Variants in CUX1 observed in about 807,000 individuals in gnomAD.
CUX1 encodes cut like homeobox 1, also known as protein CASP.
In CUX1, 31 loss-of-function variants were observed where a neutral mutation model predicts 158.8. The observed-to-expected ratio is 0.20, with a 90% CI of 0.15 to 0.26. The LOEUF (loss-of-function observed/expected upper bound fraction) is 0.26, where lower values mean the gene tolerates loss of function less well. CUX1 is among the 10% of genes least tolerant of loss of function. The probability of loss-of-function intolerance (pLI) is 1.00; values close to 1 mark genes in which losing one functional copy is unlikely to be tolerated. For synonymous variants in CUX1, 879 were observed against 862.1 expected, an observed-to-expected ratio of 1.02 and a Z score of -0.34; for missense variants, 1,589 against 2,014.6, an observed-to-expected ratio of 0.79 and a Z score of 4.04.
rs373730314 is a variant in CUX1 at position 102,202,012 on chromosome 7, A to C, written c.2715A>C (p.Thr905=). 24 of 1,613,864 alleles carry C rather than the reference A, an allele frequency of 1.5e-5. 1 individual carries two copies. The African/African-American group carries it at 1.9e-4, about 13-fold the overall frequency. ...TGACCGGGGCCAGCCGCAGCGAGAC[A>C]CCACAGAACAGCCCCCTGCCATCCT... The part of the protein sequence containing the change: ...LSLTGASRSE[T]PQNSPLPSSP... Residue 905 remains threonine, a synonymous_variant, in exon 18 of 24, where the codon ACA becomes ACC. Transcript: ENST00000292535.
rs1489907710 is a variant in CUX1, at chr7:102,250,703, C to T, written c.*1661C>T. ...GCACAGTTTTAGGGCAGTCTAAGTA[C>T]AAACTGAAAGTCTAACTTGTCTCTG... On this transcript the variant is annotated 3_prime_UTR_variant, in exon 24 of 24. Coordinates refer to ENST00000292535, the MANE Select transcript of CUX1 (RefSeq NM_181552.4). 1 of 985,278 alleles carries T rather than the reference C, an allele frequency of 1.0e-6. No individual in the cohort carries two copies. The highest frequency in any genetic ancestry group is 1.2e-6 in the Non-Finnish European group (1 of 829,938). 61.0% of individuals were successfully genotyped at this position (985,278 alleles called of 1,614,324 possible).
chr7:101,832,337 G>A (rs1387901343), intron 1 of CUX1, among the ~76,000 whole-genome samples: 1 of 152,176 alleles, frequency 6.6e-6, no homozygotes, highest in East Asian at 1.9e-4. Context: ...AACTGAGGTT[G>A]GGGAACAGCA....
chr7:102,232,594 C>T (rs574753443), intron 21 of CUX1, among the ~76,000 whole-genome samples: 1 of 152,318 alleles, frequency 6.6e-6, no homozygotes, highest in Non-Finnish European at 1.5e-5. Context: ...CCTGTTCATT[C>T]AAGTACTCCC....
chr7:102,101,286 G>T (rs1829747404), intron 5 of CUX1, among the ~76,000 whole-genome samples: 1 of 152,200 alleles, frequency 6.6e-6, no homozygotes. Context: ...ATGAGTAAAT[G>T]GAGGCCCCAG....
At chr7:102,110,444 C>T (rs1428710041) in intron 6 of CUX1, among the ~76,000 whole-genome samples, 3 of 152,148 alleles carry the variant, frequency 2.0e-5, no homozygotes, top group Non-Finnish European at 4.4e-5. Context: ...GTTTGTATTA[C>T]ACTATAGCTT....
rs114356203 is a variant in CUX1, at chr7:102,186,118, T to G, written c.1018-3695T>G. On this transcript the variant is annotated intron_variant, in intron 11 of 23. Coordinates refer to ENST00000292535, the MANE Select transcript of CUX1 (RefSeq NM_181552.4). Reference sequence around the variant, plus strand: ...CTTTCTGGGAACCCAACAAGGAGTTTCTGATCGAAGAACCGCACTGAGGAC... The same window carrying G: ...CTTTCTGGGAACCCAACAAGGAGTTGCTGATCGAAGAACCGCACTGAGGAC... Among the ~76,000 whole-genome samples the G allele has an allele frequency of 2.8e-3, 427 of 152,232 alleles. 3 individuals are homozygous for G. Among genetic ancestry groups the G allele is most frequent in the African/African-American group, 0.01 (416 of 41,544 alleles).
chr7:101,855,636 T>G (rs1443858166), intron 1 of CUX1, among the ~76,000 whole-genome samples: 5 of 152,088 alleles, frequency 3.3e-5, no homozygotes, highest in African/African-American at 1.2e-4. Flanking sequence ...TCCCAGCACT[T>G]TGGGAGGTCA....
At chr7:102,128,138 G>A (rs560618157) in intron 8 of CUX1, among the ~76,000 whole-genome samples, 5 of 152,282 alleles carry the variant, frequency 3.3e-5, no homozygotes, top group Admixed American at 6.5e-5. Context: ...ACGCCCAGCC[G>A]GCTGTGGCAT....
intron 1 of CUX1, among the ~76,000 whole-genome samples, chr7:101,845,209 C>T (rs1795565102): frequency 6.6e-6 from 1 of 152,066 alleles, no homozygotes; most frequent in Non-Finnish European, 1.5e-5. Context: ...TGGTCTCAAA[C>T]TCCTGGGCTC....
intron 3 of CUX1, among the ~76,000 whole-genome samples, chr7:102,067,052 G>C (rs1411346281): frequency 6.6e-6 from 1 of 151,978 alleles, no homozygotes; most frequent in Non-Finnish European, 1.5e-5. Flanking sequence ...TATTCACAAA[G>C]TTGCACAGCT....
In CUX1 at chr7:102,099,590, G is replaced by A. The variant is rs574614934; in HGVS notation, c.406+2089G>A. 7.3e-5 allele frequency among the ~76,000 whole-genome samples: 11 copies of A among 150,838 alleles called. No homozygotes were observed. The South Asian group carries it at 1.9e-3, about 26-fold the overall frequency. ...TTATTTATTTTAGATTCAGGGTCTC[G>A]CCCTGTCACCCAGGCTGGAGTGCAG... On this transcript the variant is annotated intron_variant, in intron 5 of 23. Transcript: ENST00000292535.
At chr7:101,979,768 G>A (rs748054057) in intron 2 of CUX1, among the ~76,000 whole-genome samples, 2 of 152,074 alleles carry the variant, frequency 1.3e-5, no homozygotes, top group Non-Finnish European at 2.9e-5. Flanking sequence ...TCATGCCTCA[G>A]CCTCCCGAGT....
intron 3 of CUX1, among the ~76,000 whole-genome samples, chr7:102,041,334 A>T (rs1322203823): frequency 1.5e-5 from 2 of 130,324 alleles, no homozygotes; most frequent in African/African-American, 5.9e-5. Context: ...GGCTCACCAT[A>T]ATCTCTGCTT....
intron 1 of CUX1, among the ~76,000 whole-genome samples, chr7:101,862,411 C>T (rs1431431772): frequency 3.3e-5 from 5 of 152,202 alleles, no homozygotes; most frequent in African/African-American, 7.2e-5. Flanking sequence ...CGGTTGACAC[C>T]AGGCCACCAG....
chr7:102,193,081 C>T (rs1794448902), intron 12 of CUX1, among the ~76,000 whole-genome samples: 1 of 152,232 alleles, frequency 6.6e-6, no homozygotes, highest in Non-Finnish European at 1.5e-5. Context: ...AGAAGGTCTG[C>T]CCACCTGGCT....
intron 1 of CUX1, among the ~76,000 whole-genome samples, chr7:101,827,610 T>TAAAACTTTTCATTCCCCA (rs1428586497): frequency 6.6e-6 from 1 of 152,102 alleles, no homozygotes; most frequent in Non-Finnish European, 1.5e-5. Flanking sequence ...CAGGCCCACA[T>TAAAACTTTTCATTCCCCA]AAAACTTTTC....
intron 8 of CUX1, among the ~76,000 whole-genome samples, chr7:102,133,791 ATTTCCATCAG>A (rs149880286): frequency 0.082 from 12,496 of 152,092 alleles, 675 homozygotes; most frequent in African/African-American, 0.14. Context: ...ATACATCTTT[ATTTCCATCAG>A]TGTCTAACTG....
intron 15 of CUX1, among the ~76,000 whole-genome samples, chr7:102,198,052 A>G (rs1794982967): frequency 6.6e-6 from 1 of 152,184 alleles, no homozygotes; most frequent in African/African-American, 2.4e-5. Context: ...CCAGGAGTTC[A>G]AGACCAGCCT....
intron 10 of CUX1, among the ~76,000 whole-genome samples, chr7:102,177,019 A>T (rs1209793419): frequency 2.6e-5 from 4 of 151,512 alleles, no homozygotes; most frequent in Non-Finnish European, 5.9e-5. Context: ...TAGTGAGGTT[A>T]AGGGGTGGGT....
Sources: gnomAD v4.1 joint callset for allele counts (sites outside exome capture counted in the v4.1 genomes callset) on GRCh38, gnomAD v4.1.1 for gene constraint, MANE v1.5 for transcripts, NCBI Gene and HGNC (gene_info 2026-07-23, HGNC 2026-07-21) for gene names.